PPP3CC: variants seen among roughly 807,000 people sequenced by gnomAD.
PPP3CC encodes serine/threonine-protein phosphatase 2B catalytic subunit gamma isoform.
Under a neutral mutation model 60.3 loss-of-function variants are expected in PPP3CC, and 35 were observed. The ratio of observed to expected loss-of-function variants is 0.58; its 90% CI spans 0.44 to 0.77. The LOEUF (loss-of-function observed/expected upper bound fraction) is 0.77, where lower values mean the gene tolerates loss of function less well. Ranked by LOEUF, PPP3CC falls within the 30% of genes least tolerant of loss-of-function variation. The pLI is 0.00. For missense variants in PPP3CC, 570 were observed against 628.9 expected, an observed-to-expected ratio of 0.91 and a Z score of 1.00; for synonymous variants, 206 against 224.3, an observed-to-expected ratio of 0.92 and a Z score of 0.73.
intron 8 of PPP3CC, among the ~76,000 whole-genome samples, chr8:22,525,751 G>A (rs570539808): frequency 6.6e-6 from 1 of 151,558 alleles, no homozygotes; most frequent in African/African-American, 2.4e-5. Context: ...ATAGAGATAG[G>A]GTCTCGTTAT....
chr8:22,474,966 C>T lies in PPP3CC; in HGVS notation c.62C>T (p.Pro21Leu), dbSNP rs1837842580. Residue 21 changes from proline to leucine, a missense_variant, in exon 2 of 14, where the codon CCT (proline) becomes CTT (leucine). Pro to Leu is a moderately conservative substitution (Grantham distance 98). Transcript: ENST00000240139. ...TATTTTTTTGTAGCTGTCCCCTTTC[C>T]TCCAACCCAACGGCTTACTTTCAAG... ...TDRVIKAVPFPPTQRLTFKEV... is the reference protein window; with the variant it reads ...TDRVIKAVPFLPTQRLTFKEV... 16 of 1,583,734 alleles carry T rather than the reference C, an allele frequency of 1.0e-5. No individual in the cohort carries two copies. The highest frequency in any genetic ancestry group is 3.4e-5 in the Admixed American group (2 of 59,476).
chr8:22,493,574 GAC>G (rs144718095), intron 3 of PPP3CC, among the ~76,000 whole-genome samples: 4 of 151,318 alleles, frequency 2.6e-5, no homozygotes, highest in Admixed American at 2.0e-4. Flanking sequence ...TAAGAATGAA[GAC>G]ACACACACAC....
chr8:22,524,024 G>A (rs138324925), intron 8 of PPP3CC, among the ~76,000 whole-genome samples: 34 of 152,278 alleles, frequency 2.2e-4, no homozygotes, highest in African/African-American at 7.9e-4. Flanking sequence ...ATACTTCTCT[G>A]AGCCTCATCT....
intron 4 of PPP3CC, among the ~76,000 whole-genome samples, chr8:22,499,999 T>C (rs1563746485): frequency 6.6e-6 from 1 of 152,216 alleles, no homozygotes; most frequent in Non-Finnish European, 1.5e-5. Context: ...ACAGTATTAG[T>C]TGCTCATAGA....
chr8:22,478,866 A>G (rs1837977830), intron 3 of PPP3CC, among the ~76,000 whole-genome samples: 1 of 152,234 alleles, frequency 6.6e-6, no homozygotes, highest in Non-Finnish European at 1.5e-5. Flanking sequence ...TTGTTGAATG[A>G]ATGAATGTTA....
chr8:22,500,291 C>T (rs544182966), intron 4 of PPP3CC, among the ~76,000 whole-genome samples: 2 of 152,196 alleles, frequency 1.3e-5, no homozygotes, highest in Admixed American at 1.3e-4. Context: ...GGAAGCTAAA[C>T]TAAATATCTT....
chr8:22,536,943 C>G (rs1839856877), intron 12 of PPP3CC, among the ~76,000 whole-genome samples: 1 of 152,050 alleles, frequency 6.6e-6, no homozygotes, highest in Non-Finnish European at 1.5e-5. Context: ...GAAATTGAAG[C>G]ACAAAGGTAA....
At chr8:22,493,893 A>G (rs998508759) in intron 3 of PPP3CC, among the ~76,000 whole-genome samples, 19 of 152,192 alleles carry the variant, frequency 1.2e-4, no homozygotes, top group African/African-American at 4.3e-4. Flanking sequence ...ACTGTACATA[A>G]TTGTATGTGC....
Position 22,527,391 on chromosome 8 carries a change from G to C in PPP3CC, c.944-1G>C. ...GATTTTCTTGCTTTTTTCCTTTTTA[G>C]CTGCTGTGTTGAAATATGAAAACAA... On this transcript the variant is annotated splice_acceptor_variant, in intron 8 of 13. Transcript: ENST00000240139. LOFTEE classifies it high-confidence loss of function. The C allele has an allele frequency of 6.2e-7, 1 of 1,612,952 alleles. No homozygotes were observed. The highest frequency in any genetic ancestry group is 8.5e-7 in the Non-Finnish European group (1 of 1,179,490).
In PPP3CC at chr8:22,526,837, G is replaced by A. The variant is rs1415953696; in HGVS notation, c.944-555G>A. Among the ~76,000 whole-genome samples the A allele has an allele frequency of 2.6e-5, 4 of 152,152 alleles. 1 individual carries two copies. The highest frequency in any genetic ancestry group is 2.6e-4 in the Admixed American group (4 of 15,282). ...GGAGAAATCGGCAATTTTAAAATCC[G>A]CTATATTGAATACAGAGATGACTTA... On this transcript the variant is annotated intron_variant, in intron 8 of 13. Transcript: ENST00000240139.
intron 3 of PPP3CC, among the ~76,000 whole-genome samples, chr8:22,494,408 C>T (rs1487624373): frequency 1.3e-5 from 2 of 152,122 alleles, no homozygotes; most frequent in East Asian, 1.9e-4. Context: ...CAGTTACTGT[C>T]CCCTGGGTGT....
chr8:22,525,060 A>G (rs1402988508), intron 8 of PPP3CC, among the ~76,000 whole-genome samples: 1 of 152,186 alleles, frequency 6.6e-6, no homozygotes, highest in Non-Finnish European at 1.5e-5. Context: ...CTGAGGCAGT[A>G]GGATCCTTTG....
intron 1 of PPP3CC, among the ~76,000 whole-genome samples, chr8:22,456,132 A>G (rs1241868004): frequency 6.6e-6 from 1 of 152,224 alleles, no homozygotes; most frequent in Non-Finnish European, 1.5e-5. Context: ...TATTTAGGCA[A>G]ATCCTAGTGT....
chr8:22,441,355 C>A lies in PPP3CC; in HGVS notation c.-55C>A, dbSNP rs746646770. 2 of 1,498,784 alleles carry A rather than the reference C, an allele frequency of 1.3e-6. No individual in the cohort carries two copies. Among genetic ancestry groups the A allele is most frequent in the East Asian group, 5.4e-5 (2 of 36,760 alleles). The allele number at this position is 1,498,784 out of a possible 1,614,324, so 92.8% of individuals were successfully genotyped here. On this transcript the variant is annotated 5_prime_UTR_variant, in exon 1 of 14. Transcript: ENST00000240139. The stretch of plus-strand genomic sequence containing the variant: ...CTGCCCGAGGAGAAGGCGGCGGCCG[C>A]GGCGTAGGCGCACGTCCGGCGGGCT...
intron 12 of PPP3CC, among the ~76,000 whole-genome samples, chr8:22,534,912 G>C (rs1176104277): frequency 6.6e-6 from 1 of 152,146 alleles, no homozygotes; most frequent in East Asian, 1.9e-4. Flanking sequence ...AGAACCATTG[G>C]ACTAATCAGT....
At chr8:22,459,809 A>G (rs1428657740) in intron 1 of PPP3CC, among the ~76,000 whole-genome samples, 2 of 152,170 alleles carry the variant, frequency 1.3e-5, no homozygotes, top group Non-Finnish European at 2.9e-5. Context: ...ATAAATTTCT[A>G]AAAGAAAGTA....
At chr8:22,502,167 G>A (rs1023992353) in intron 4 of PPP3CC, among the ~76,000 whole-genome samples, 4 of 152,146 alleles carry the variant, frequency 2.6e-5, no homozygotes, top group Admixed American at 6.5e-5. Flanking sequence ...AAGAGGAGTG[G>A]ATTATACATA....
At chr8:22,540,013 T>C (rs962599192) in intron 13 of PPP3CC, among the ~76,000 whole-genome samples, 52 of 152,240 alleles carry the variant, frequency 3.4e-4, no homozygotes, top group African/African-American at 1.3e-3. Flanking sequence ...GTAATTGTTT[T>C]ATTAGGTAAG....
intron 3 of PPP3CC, among the ~76,000 whole-genome samples, chr8:22,494,948 AT>A (rs35484513): frequency 1.3e-5 from 2 of 151,670 alleles, no homozygotes; most frequent in East Asian, 1.9e-4. Context: ...TGTACTTTTT[AT>A]TTTTTTTAAG....
Sources: allele counts gnomAD v4.1 joint callset (sites outside exome capture counted in the v4.1 genomes callset), GRCh38; gene constraint gnomAD v4.1.1; transcripts MANE v1.5; gene names NCBI Gene and HGNC (gene_info 2026-07-23, HGNC 2026-07-21).